SLC14A2: variants seen among roughly 807,000 people sequenced by gnomAD.
The protein encoded by SLC14A2 is urea transporter 2.
In SLC14A2, 91 loss-of-function variants were observed where a neutral mutation model predicts 104.6. The ratio of observed to expected loss-of-function variants is 0.87; its 90% CI spans 0.73 to 1.04. The LOEUF (loss-of-function observed/expected upper bound fraction) is 1.04. SLC14A2 is among the 50% of genes least tolerant of loss of function. The pLI is 0.00. For synonymous variants in SLC14A2, 476 were observed against 466.4 expected (o/e 1.02, Z -0.27); for missense variants, 1,189 against 1,156.0 (o/e 1.03, Z -0.41).
intron 2 of SLC14A2, among the ~76,000 whole-genome samples, chr18:45,561,376 G>A (rs1449869426): frequency 2.6e-5 from 4 of 152,184 alleles, no homozygotes; most frequent in Admixed American, 2.0e-4. Flanking sequence ...CTGCAAGAGA[G>A]TGACAGCAAA....
At chr18:45,385,115 A>G (rs980952819) in intron 1 of SLC14A2, among the ~76,000 whole-genome samples, 5 of 152,232 alleles carry the variant, frequency 3.3e-5, no homozygotes, top group African/African-American at 9.6e-5. Context: ...ATCTGCTCCA[A>G]TGCACTAAGT....
chr18:45,323,419 C>T (rs2085204162), intron 1 of SLC14A2, among the ~76,000 whole-genome samples: 1 of 152,088 alleles, frequency 6.6e-6, no homozygotes, highest in Non-Finnish European at 1.5e-5. Flanking sequence ...AAAGTATTTG[C>T]CCATAAAGAT....
At chr18:45,531,328 T>C (rs1381988071) in intron 2 of SLC14A2, among the ~76,000 whole-genome samples, 5 of 152,238 alleles carry the variant, frequency 3.3e-5, no homozygotes, top group East Asian at 3.9e-4. Context: ...AGTGTAAAAG[T>C]GTTCCTATTT....
At chr18:45,512,899 A>G (rs1425053463) in intron 2 of SLC14A2, among the ~76,000 whole-genome samples, 1 of 152,210 alleles carries the variant, frequency 6.6e-6, no homozygotes, top group African/African-American at 2.4e-5. Flanking sequence ...AATGTTTTCA[A>G]GTACTTTCTG....
chr18:45,356,627 G>A lies in SLC14A2; in HGVS notation c.-124-126606G>A, dbSNP rs2085556895. On this transcript the variant is annotated intron_variant, in intron 1 of 20. Transcript: ENST00000586448. ...GAAATAAATAAAATGTAGGCCAACA[G>A]TCTAGATACTCAAACATCAAGATAT... 3.9e-5 allele frequency among the ~76,000 whole-genome samples: 6 copies of A among 152,186 alleles called. No homozygotes were observed. In the South Asian group the frequency reaches 1.0e-3, roughly 26 times the overall value.
chr18:45,202,899 C>G, the SLC14A2 span, among the ~76,000 whole-genome samples: 226 of 152,162 alleles, frequency 1.5e-3, 3 homozygotes, highest in East Asian at 0.042. Flanking sequence ...AATTTAACCT[C>G]TCAGTAATGT....
intron 1 of SLC14A2, among the ~76,000 whole-genome samples, chr18:45,249,987 CAG>C (rs1190108200): frequency 1.3e-5 from 2 of 152,002 alleles, no homozygotes; most frequent in Non-Finnish European, 2.9e-5. Context: ...TTCTATGAAT[CAG>C]AGTCATTGAC....
chr18:45,503,744 G>A (rs1010189724), intron 2 of SLC14A2, among the ~76,000 whole-genome samples: 1 of 143,304 alleles, frequency 7.0e-6, no homozygotes, highest in Admixed American at 7.0e-5. Flanking sequence ...TTTGCTAATG[G>A]CTTAAAAATA....
intron 1 of SLC14A2, among the ~76,000 whole-genome samples, chr18:45,277,859 G>A (rs914405381): frequency 3.9e-5 from 6 of 152,188 alleles, no homozygotes; most frequent in African/African-American, 1.4e-4. Flanking sequence ...CTGTTCTAAA[G>A]GGGTTTCCTT....
At chr18:45,369,569 T>C (rs1209430135) in intron 1 of SLC14A2, among the ~76,000 whole-genome samples, 1 of 152,240 alleles carries the variant, frequency 6.6e-6, no homozygotes, top group East Asian at 1.9e-4. Context: ...ATTTGATATA[T>C]GTATATGTTT....
chr18:45,393,183 G>A (rs1338553165), intron 1 of SLC14A2, among the ~76,000 whole-genome samples: 7 of 152,134 alleles, frequency 4.6e-5, no homozygotes, highest in South Asian at 2.1e-4. Flanking sequence ...AGGAGCTTAC[G>A]TTTTATTATC....
chr18:45,529,633 C>T (rs2043650829), intron 2 of SLC14A2: 3 of 152,132 alleles, frequency 2.0e-5, no homozygotes, highest in Admixed American at 2.0e-4. Flanking sequence ...AGTCCTGTTA[C>T]ATTGAGGCCC....
chr18:45,605,973 C>T (rs2054752), intron 2 of SLC14A2, among the ~76,000 whole-genome samples: 112,796 of 151,876 alleles, frequency 0.74, 42,152 homozygotes, highest in East Asian at 0.85. Context: ...GAGTTCCATA[C>T]TGAAATAACA....
chr18:45,387,931 G>T (rs575459336), intron 1 of SLC14A2, among the ~76,000 whole-genome samples: 191 of 152,170 alleles, frequency 1.3e-3, no homozygotes, highest in Middle Eastern at 0.01. Flanking sequence ...ATGAGGTCAG[G>T]TTATGTGCAA....
intron 1 of SLC14A2, among the ~76,000 whole-genome samples, chr18:45,439,650 TCTCTG>T (rs1351411486): frequency 6.6e-6 from 1 of 152,160 alleles, no homozygotes; most frequent in Non-Finnish European, 1.5e-5. Context: ...TATACACTGG[TCTCTG>T]CTCTGCTGCA....
At chr18:45,428,798 A>G (rs941105971) in intron 1 of SLC14A2, among the ~76,000 whole-genome samples, 12 of 152,250 alleles carry the variant, frequency 7.9e-5, no homozygotes, top group Admixed American at 2.6e-4. Context: ...ACATTAAAGA[A>G]AACTTTCATT....
At chr18:45,196,718 A>G in the SLC14A2 span, among the ~76,000 whole-genome samples, 1 of 152,208 alleles carries the variant, frequency 6.6e-6, no homozygotes, top group African/African-American at 2.4e-5. Context: ...TTCCCTCAAC[A>G]GCAATCAATC....
At chr18:45,364,830 AC>A (rs2085650425) in intron 1 of SLC14A2, among the ~76,000 whole-genome samples, 1 of 152,156 alleles carries the variant, frequency 6.6e-6, no homozygotes, top group Non-Finnish European at 1.5e-5. Context: ...ACAAGCAGGA[AC>A]TCACTCACAG....
At chr18:45,335,208 C>T (rs926999547) in intron 1 of SLC14A2, among the ~76,000 whole-genome samples, 1 of 152,160 alleles carries the variant, frequency 6.6e-6, no homozygotes, top group East Asian at 1.9e-4. Flanking sequence ...CAAGCAGCCT[C>T]TGATCAGCTT....
Sources: gnomAD v4.1 joint callset for allele counts (sites outside exome capture counted in the v4.1 genomes callset) on GRCh38, gnomAD v4.1.1 for gene constraint, MANE v1.5 for transcripts, NCBI Gene and HGNC (gene_info 2026-07-23, HGNC 2026-07-21) for gene names.